Variants in USP3 observed in about 807,000 individuals in gnomAD.
The protein encoded by USP3 is ubiquitin specific peptidase 3.
USP3 carries 20 observed loss-of-function variants against 72.3 expected under a neutral mutation model. That is an observed-to-expected ratio of 0.28 (90% confidence interval 0.19 to 0.40). USP3 has a LOEUF of 0.40. Ranked by LOEUF, USP3 falls within the 10% of genes least tolerant of loss-of-function variation. The pLI is 1.00. For missense variants in USP3, 479 were observed against 633.9 expected (o/e 0.76, Z 2.62); for synonymous variants, 222 against 225.3 (o/e 0.99, Z 0.13).
chr15:63,534,111 A>C (rs2066117807), intron 2 of USP3, among the ~76,000 whole-genome samples: 1 of 152,202 alleles, frequency 6.6e-6, no homozygotes, highest in Non-Finnish European at 1.5e-5. Flanking sequence ...TAGCCTCTGC[A>C]GGTGGACTGT....
At chr15:63,539,301 T>C (rs956395346) in intron 3 of USP3, among the ~76,000 whole-genome samples, 4 of 152,202 alleles carry the variant, frequency 2.6e-5, no homozygotes, top group Admixed American at 2.6e-4. Flanking sequence ...ACTGAGAACA[T>C]TGATTTTTGA....
At chr15:63,587,585 G>T (rs2067098156) in intron 11 of USP3, 1 of 152,220 alleles carries the variant, frequency 6.6e-6, no homozygotes, top group Non-Finnish European at 1.5e-5. Flanking sequence ...TCAAGAACCT[G>T]TCATGATATT....
chr15:63,512,820 T>C (rs1595702684), intron 1 of USP3, among the ~76,000 whole-genome samples: 2 of 152,220 alleles, frequency 1.3e-5, no homozygotes, highest in East Asian at 3.8e-4. Context: ...CAGATGAATT[T>C]AGGAAGGCAA....
intron 6 of USP3, among the ~76,000 whole-genome samples, chr15:63,559,229 AAAAAT>A (rs1317835012): frequency 6.6e-6 from 1 of 152,236 alleles, no homozygotes; most frequent in African/African-American, 2.4e-5. Flanking sequence ...GACAAGTAGT[AAAAAT>A]AAAATAGTCA....
intron 1 of USP3, among the ~76,000 whole-genome samples, chr15:63,523,545 A>G (rs2065944750): frequency 6.6e-6 from 1 of 152,218 alleles, no homozygotes. Context: ...TTCTTCTCGA[A>G]GGGTTCAAGG....
chr15:63,548,511 A>G (rs1263211673), intron 3 of USP3, among the ~76,000 whole-genome samples: 1 of 151,942 alleles, frequency 6.6e-6, no homozygotes, highest in South Asian at 2.1e-4. Flanking sequence ...TTTTTTTAGT[A>G]GAGACAGGGT....
rs776828678 is a variant in USP3 at position 63,532,711 on chromosome 15, G to C, written c.152+4G>C. On this transcript the variant is annotated splice_donor_region_variant and intron_variant, in intron 2 of 14. Coordinates refer to ENST00000380324, the MANE Select transcript of USP3 (RefSeq NM_006537.4). ...GTTCAAGTGTCCACTGTGGAAGGTAGGTGACATACTTATTACTTCACTGAC... is the reference window on the plus strand; with the variant it reads ...GTTCAAGTGTCCACTGTGGAAGGTACGTGACATACTTATTACTTCACTGAC... The C allele has an allele frequency of 8.1e-6, 13 of 1,613,630 alleles. No individual in the cohort carries two copies. Among genetic ancestry groups the C allele is most frequent in the Non-Finnish European group, 1.1e-5 (13 of 1,179,792 alleles).
intron 1 of USP3, among the ~76,000 whole-genome samples, chr15:63,524,548 C>T (rs974288217): frequency 6.6e-6 from 1 of 152,176 alleles, no homozygotes; most frequent in South Asian, 2.1e-4. Flanking sequence ...AGGTGGAGAA[C>T]GTGGACTCAC....
chr15:63,571,289 C>G (rs1445430274), intron 9 of USP3, among the ~76,000 whole-genome samples: 1 of 152,160 alleles, frequency 6.6e-6, no homozygotes, highest in Non-Finnish European at 1.5e-5. Context: ...ACAAACTCCC[C>G]CCAAACAGAG....
At chr15:63,518,720 A>G (rs967607738) in intron 1 of USP3, among the ~76,000 whole-genome samples, 3 of 151,930 alleles carry the variant, frequency 2.0e-5, no homozygotes, top group African/African-American at 7.3e-5. Context: ...TTATTAATTT[A>G]CAGATATAAC....
At chr15:63,526,697 A>G (rs2065987646) in intron 1 of USP3, among the ~76,000 whole-genome samples, 1 of 152,308 alleles carries the variant, frequency 6.6e-6, no homozygotes, top group Non-Finnish European at 1.5e-5. Context: ...CTGATGGGCA[A>G]TGTGTTTGTG....
At chr15:63,569,647 C>A (rs985443814) in intron 8 of USP3, among the ~76,000 whole-genome samples, 1 of 152,110 alleles carries the variant, frequency 6.6e-6, no homozygotes, top group Admixed American at 6.5e-5. Context: ...GCAATGCTTT[C>A]TTTATTTCAT....
chr15:63,524,169 C>T (rs1016999251), intron 1 of USP3, among the ~76,000 whole-genome samples: 5 of 152,172 alleles, frequency 3.3e-5, no homozygotes, highest in Admixed American at 3.3e-4. Context: ...ATGTGATACA[C>T]AAAGATTTAG....
intron 11 of USP3, among the ~76,000 whole-genome samples, chr15:63,579,405 G>A (rs1327149476): frequency 1.3e-5 from 2 of 152,212 alleles, no homozygotes; most frequent in African/African-American, 4.8e-5. Context: ...TAGAGCAGGT[G>A]CTAATGTAAA....
rs2066295009 is a variant in USP3 at position 63,544,703 on chromosome 15, T to C, written c.284+7547T>C. 2.9e-6 allele frequency: 2 copies of C among 701,752 alleles called. No homozygotes were observed. The highest frequency in any genetic ancestry group is 4.0e-5 in the Admixed American group (2 of 49,892). 43.5% of individuals were successfully genotyped at this position (701,752 alleles called of 1,614,324 possible). On this transcript the variant is annotated intron_variant, in intron 3 of 14. Coordinates refer to ENST00000380324, the MANE Select transcript of USP3 (RefSeq NM_006537.4). The surrounding 1 kb of genome is among the most constrained non-coding windows in gnomAD (Gnocchi z 4.2). ...ATTGTTTTGCCATTAAATAAGTGAA[T>C]AGTGCGAAATGGAAAATACCGAGGG...
rs553482661 is a variant in USP3, at chr15:63,555,254, G to T, written c.369-1413G>T. ...TTACCTAGATTCATTTTTGTGTTTT[G>T]CAAACATTGGTTTAATCTGTAGTGG... On this transcript the variant is annotated intron_variant, in intron 4 of 14. Transcript: ENST00000380324. 2.0e-5 allele frequency among the ~76,000 whole-genome samples: 3 copies of T among 151,758 alleles called. No individual in the cohort carries two copies. The East Asian group carries it at 5.9e-4, about 30-fold the overall frequency.
intron 3 of USP3, among the ~76,000 whole-genome samples, chr15:63,547,459 G>A (rs1166522122): frequency 6.6e-6 from 1 of 152,094 alleles, no homozygotes. Context: ...GCCGGGCATA[G>A]TGGCTCAGTC....
At chr15:63,562,431 T>C (rs1174575550) in intron 7 of USP3, among the ~76,000 whole-genome samples, 1 of 152,140 alleles carries the variant, frequency 6.6e-6, no homozygotes, top group Non-Finnish European at 1.5e-5. Context: ...ATCTGACTTT[T>C]GGAGTTGAGA....
Position 63,553,605 on chromosome 15 carries a change from C to G in USP3, c.285-110C>G. The G allele has an allele frequency of 2.3e-6, 2 of 860,422 alleles. No individual in the cohort carries two copies. Among genetic ancestry groups the G allele is most frequent in the Non-Finnish European group, 3.3e-6 (2 of 601,662 alleles). 53.3% of individuals were successfully genotyped at this position (860,422 alleles called of 1,614,324 possible). A position where few individuals can be genotyped will look rare whatever the true frequency, so the allele number is the denominator to read the frequency against. ...TCTTTAAACTTACCACCAGCAGTAA[C>G]TGCCTGCAGAGCCATGTGATCATCT... On this transcript the variant is annotated intron_variant, in intron 3 of 14. Transcript: ENST00000380324. The surrounding 1 kb of genome is among the most constrained non-coding windows in gnomAD (Gnocchi z 4.2).
Sources: gnomAD v4.1 joint callset for allele counts (sites outside exome capture counted in the v4.1 genomes callset) on GRCh38, gnomAD v4.1.1 for gene constraint, Gnocchi (gnomAD v3.1) non-coding constraint, MANE v1.5 for transcripts, NCBI Gene and HGNC (gene_info 2026-07-23, HGNC 2026-07-21) for gene names.